DPP6: variants seen among roughly 807,000 people sequenced by gnomAD.
The protein encoded by DPP6 is A-type potassium channel modulatory protein DPP6.
Under a neutral mutation model 122.6 loss-of-function variants are expected in DPP6, and 69 were observed. The ratio of observed to expected loss-of-function variants is 0.56; its 90% CI spans 0.46 to 0.69. DPP6 has a LOEUF of 0.69. Among genes scored for constraint, DPP6 ranks in the 30% least tolerant of loss-of-function variants. The pLI is 0.00. For missense variants in DPP6, 928 were observed against 1,116.9 expected, an observed-to-expected ratio of 0.83 and a Z score of 2.41; for synonymous variants, 418 against 433.1, an observed-to-expected ratio of 0.97 and a Z score of 0.43.
At chr7:154,564,563 G>C (rs1194748804) in intron 4 of DPP6, among the ~76,000 whole-genome samples, 1 of 152,140 alleles carries the variant, frequency 6.6e-6, no homozygotes, top group Non-Finnish European at 1.5e-5. Context: ...TTTGTAAACT[G>C]TTCACTTCAC....
intron 5 of DPP6, among the ~76,000 whole-genome samples, chr7:154,628,351 C>A (rs767260741): frequency 6.6e-6 from 1 of 152,182 alleles, no homozygotes; most frequent in Non-Finnish European, 1.5e-5. Flanking sequence ...TCTCTAAAAC[C>A]TTAAAGACAT....
Position 154,286,182 on chromosome 7 carries a change from T to A in DPP6, c.244-160032T>A, listed in dbSNP as rs142847902. ...GAGATTTTAAGGAGTGGGATGTGGGTACCCTGAGAAGGGACATGGTTTTGT... is the reference window on the plus strand; with the variant it reads ...GAGATTTTAAGGAGTGGGATGTGGGAACCCTGAGAAGGGACATGGTTTTGT... On this transcript the variant is annotated intron_variant, in intron 1 of 25. Coordinates refer to ENST00000377770, the MANE Select transcript of DPP6 (RefSeq NM_130797.4). 7.2e-5 allele frequency among the ~76,000 whole-genome samples: 11 copies of A among 152,244 alleles called. No individual in the cohort carries two copies. In the East Asian group the frequency reaches 2.1e-3, roughly 29 times the overall value.
At chr7:153,993,559 T>G (rs142846518) in intron 1 of DPP6, among the ~76,000 whole-genome samples, 6 of 152,362 alleles carry the variant, frequency 3.9e-5, no homozygotes, top group African/African-American at 1.4e-4. Flanking sequence ...AACCCAAGGT[T>G]GTAAACCAAA....
chr7:153,782,250 T>C, the DPP6 span, among the ~76,000 whole-genome samples: 3 of 152,000 alleles, frequency 2.0e-5, no homozygotes, highest in Admixed American at 6.6e-5. Flanking sequence ...CCCAATGTTA[T>C]GGTTTAGGCA....
chr7:153,961,151 C>T (rs1316849424), intron 1 of DPP6, among the ~76,000 whole-genome samples: 17 of 133,724 alleles, frequency 1.3e-4, no homozygotes, highest in Non-Finnish European at 2.5e-4. Context: ...TGAGAGGAGC[C>T]GATGCCCAGC....
chr7:154,031,707 C>A (rs929884486), intron 1 of DPP6, among the ~76,000 whole-genome samples: 20 of 151,982 alleles, frequency 1.3e-4, no homozygotes, highest in African/African-American at 4.8e-4. Flanking sequence ...AAGGAACGAG[C>A]TTTAGAGTGC....
At chr7:154,366,665 C>T (rs765402677) in intron 1 of DPP6, among the ~76,000 whole-genome samples, 3 of 152,158 alleles carry the variant, frequency 2.0e-5, no homozygotes, top group South Asian at 2.1e-4. Context: ...GGTTGAATGA[C>T]ATCAGCAGAA....
intron 2 of DPP6, among the ~76,000 whole-genome samples, chr7:154,466,435 G>T (rs549472260): frequency 6.6e-6 from 1 of 152,356 alleles, no homozygotes; most frequent in South Asian, 2.1e-4. Context: ...AGCAGGGTTG[G>T]TTTATGGTGA....
intron 6 of DPP6, among the ~76,000 whole-genome samples, chr7:154,668,220 A>ATATATATATATATATATATATATCT (rs59348250): frequency 4.0e-5 from 1 of 25,000 alleles, no homozygotes; most frequent in African/African-American, 7.9e-5. Flanking sequence ...TATATATATA[A>ATATATATATATATATATATATATCT]TATACACATT....
Position 154,769,412 on chromosome 7 carries a change from C to G in DPP6, c.884-5C>G, listed in dbSNP as rs573753765. On this transcript the variant is annotated splice_polypyrimidine_tract_variant and splice_region_variant and intron_variant, in intron 8 of 25. Coordinates refer to ENST00000377770, the MANE Select transcript of DPP6 (RefSeq NM_130797.4). ...TTCACATTTCTCTACTCTGTTTTCC[C>G]TTAGAGGAGATTTTGAAGACACACA... The G allele has an allele frequency of 2.5e-6, 4 of 1,613,506 alleles. No individual in the cohort carries two copies. The South Asian group carries it at 3.3e-5, about 13-fold the overall frequency.
At chr7:153,900,947 G>A (rs541151249) in intron 1 of DPP6, among the ~76,000 whole-genome samples, 1 of 152,256 alleles carries the variant, frequency 6.6e-6, no homozygotes, top group African/African-American at 2.4e-5. Context: ...TCAAAGAGAA[G>A]TCTTTCATTT....
the DPP6 span, among the ~76,000 whole-genome samples, chr7:153,819,648 A>G: frequency 6.6e-6 from 1 of 152,256 alleles, no homozygotes; most frequent in Admixed American, 6.5e-5. Context: ...TAGTTTATTA[A>G]TAAATGTAAT....
At chr7:153,951,673 C>T (rs1005458400) in intron 1 of DPP6, among the ~76,000 whole-genome samples, 1 of 152,138 alleles carries the variant, frequency 6.6e-6, no homozygotes, top group Non-Finnish European at 1.5e-5. Flanking sequence ...TGGATACTAT[C>T]CTAAACCTTC....
intron 5 of DPP6, among the ~76,000 whole-genome samples, chr7:154,580,262 C>A (rs1831974990): frequency 6.6e-6 from 1 of 151,870 alleles, no homozygotes; most frequent in Non-Finnish European, 1.5e-5. Flanking sequence ...CACATTAACA[C>A]ACACACACAT....
chr7:154,625,292 G>T (rs921628756), intron 5 of DPP6, among the ~76,000 whole-genome samples: 1 of 152,016 alleles, frequency 6.6e-6, no homozygotes, highest in Admixed American at 6.6e-5. Context: ...CAGCTATGTG[G>T]CATCATGCAG....
At chr7:154,629,106 C>T (rs1176019160) in intron 5 of DPP6, among the ~76,000 whole-genome samples, 4 of 152,154 alleles carry the variant, frequency 2.6e-5, no homozygotes, top group African/African-American at 7.2e-5. Context: ...ATTGTGAAAG[C>T]AGATTGTTTT....
chr7:154,060,109 C>CCG (rs1801488069), intron 1 of DPP6, among the ~76,000 whole-genome samples: 3 of 147,486 alleles, frequency 2.0e-5, no homozygotes, highest in Non-Finnish European at 4.5e-5. Flanking sequence ...GGCAATCCTC[C>CCG]CGAGGCGGGA....
At chr7:154,018,913 A>G (rs1798556915) in intron 1 of DPP6, among the ~76,000 whole-genome samples, 1 of 152,106 alleles carries the variant, frequency 6.6e-6, no homozygotes, top group South Asian at 2.1e-4. Flanking sequence ...AACTTCTCAA[A>G]TATCTCCTTC....
intron 1 of DPP6, among the ~76,000 whole-genome samples, chr7:153,910,404 C>T (rs778297009): frequency 9.9e-5 from 15 of 151,952 alleles, no homozygotes; most frequent in Non-Finnish European, 1.8e-4. Flanking sequence ...ATTTTGACCA[C>T]TTTCTTTATT....
Sources: allele counts gnomAD v4.1 joint callset (sites outside exome capture counted in the v4.1 genomes callset), GRCh38; gene constraint gnomAD v4.1.1; transcripts MANE v1.5; gene names NCBI Gene and HGNC (gene_info 2026-07-23, HGNC 2026-07-21).